The following GRK1 variants were observed in gnomAD, a reference collection of about 807,000 sequenced individuals.
GRK1 encodes G protein-coupled receptor kinase 1.
GRK1 carries 28 observed loss-of-function variants against 41.7 expected under a neutral mutation model. The ratio of observed to expected loss-of-function variants is 0.67; its 90% CI spans 0.50 to 0.92. The LOEUF is 0.92. Ranked by LOEUF, GRK1 falls within the 40% of genes least tolerant of loss-of-function variation. The pLI, the probability that GRK1 is intolerant of heterozygous loss-of-function variation, is 0.00. For synonymous variants in GRK1, 327 were observed against 286.7 expected (o/e 1.14, Z -1.42); for missense variants, 703 against 671.2 (o/e 1.05, Z -0.52).
In GRK1 at chr13:113,736,038, C is replaced by T. The variant is rs1314856608; in HGVS notation, c.*675C>T. The T allele has an allele frequency of 3.9e-5, 6 of 152,426 alleles. No individual in the cohort carries two copies. Among genetic ancestry groups the T allele is most frequent in the African/African-American group, 1.2e-4 (5 of 41,468 alleles). The allele number at this position is 152,426 out of a possible 1,614,324, so 9.4% of individuals were successfully genotyped here. A position where few individuals can be genotyped will look rare whatever the true frequency, so the allele number is the denominator to read the frequency against. On this transcript the variant is annotated 3_prime_UTR_variant, in exon 7 of 7. Transcript: ENST00000335678. ...TCTGCCAGGCGCAGGCTCTGTTGGG[C>T]TGTTGGGAGGAGGGGAGCGGGTGTG... is the stretch of plus-strand genomic sequence containing the variant.
chr13:113,732,787 T>G, intron 5 of GRK1, 97 bp from the exon 6 acceptor site: 2 of 1,310,470 alleles, frequency 1.5e-6, no homozygotes, highest in Non-Finnish European at 2.1e-6. Context: ...CCCACCCGCG[T>G]GGGTGAGCGG....
the GRK1 span, among the ~76,000 whole-genome samples, chr13:113,654,599 G>T: frequency 1.3e-5 from 2 of 152,116 alleles, no homozygotes; most frequent in Admixed American, 6.5e-5. Context: ...CTAAGGGGCC[G>T]CTTATGCCTT....
chr13:113,734,567 G>A (rs2049988882), intron 6 of GRK1: 1 of 152,766 alleles, frequency 6.5e-6, no homozygotes, highest in South Asian at 2.1e-4. Context: ...TGATGTCTGT[G>A]ACCGGCTGTG....
At chr13:113,657,086 T>C in the GRK1 span, among the ~76,000 whole-genome samples, 1 of 152,174 alleles carries the variant, frequency 6.6e-6, no homozygotes, top group African/African-American at 2.4e-5. Flanking sequence ...GCTGCAGCCT[T>C]CACCAGCACT....
At position 113,671,384 on chromosome 13, in the gene GRK1, C is replaced by G; in HGVS notation, c.828-115C>G. On this transcript the variant is annotated intron_variant, in intron 2 of 6. Transcript: ENST00000335678. The surrounding 1 kb of genome is among the most constrained non-coding windows in gnomAD (Gnocchi z 4.1). ...GCAGGGACGTAGGGGGGCCAGGCCT[C>G]AAAACGACCAGAACGCTGGCCGAGA... 1.4e-6 allele frequency: 1 copy of G among 724,502 alleles called. No individual in the cohort carries two copies. Among genetic ancestry groups the G allele is most frequent in the Non-Finnish European group, 2.5e-6 (1 of 395,630 alleles). 44.9% of individuals were successfully genotyped at this position (724,502 alleles called of 1,614,324 possible).
At chr13:113,653,326 A>G in the GRK1 span, 2 of 1,612,304 alleles carry the variant, frequency 1.2e-6, no homozygotes, top group Non-Finnish European at 8.5e-7. Context: ...CTCACCTGCT[A>G]GGAAGGCGTG....
Position 113,671,886 on chromosome 13 carries a change from G to T in GRK1, c.985+230G>T, listed in dbSNP as rs997298545. Among the ~76,000 whole-genome samples, 3 of 152,078 alleles carry T rather than the reference G, an allele frequency of 2.0e-5. No homozygotes were observed. The highest frequency in any genetic ancestry group is 7.2e-5 in the African/African-American group (3 of 41,382). On this transcript the variant is annotated intron_variant, in intron 3 of 6. Transcript: ENST00000335678. This position sits in a 1 kb window ranked among gnomAD's most constrained non-coding sequence, Gnocchi z 4.1. Reference sequence around the variant, plus strand: ...CAGCTGGGAACGGCGAGTCTGTTACGCCCAGTCCCCACCTTCCTTCTGCCT... The same window carrying T: ...CAGCTGGGAACGGCGAGTCTGTTACTCCCAGTCCCCACCTTCCTTCTGCCT...
chr13:113,653,033 G>A, the GRK1 span: 18 of 1,613,770 alleles, frequency 1.1e-5, no homozygotes, highest in East Asian at 2.2e-5. Context: ...CTGCTCGGAG[G>A]TGCAGTTGAT....
At chr13:113,668,297 G>C (rs2049833924) in intron 1 of GRK1, among the ~76,000 whole-genome samples, 2 of 152,264 alleles carry the variant, frequency 1.3e-5, no homozygotes, top group Admixed American at 6.5e-5. Context: ...TCCTCGGAGA[G>C]TGACCTCCAC....
Position 113,669,670 on chromosome 13 carries a change from A to C in GRK1, c.700-17A>C. 6.2e-7 allele frequency: 1 copy of C among 1,613,784 alleles called. No homozygotes were observed. Among genetic ancestry groups the C allele is most frequent in the Non-Finnish European group, 8.5e-7 (1 of 1,179,738 alleles). ...TCCTATTCAAAGCCAGTGCGTACTCAGCGTCTCACTTTTCAGGGTGCTATG... is the reference window on the plus strand; with the variant it reads ...TCCTATTCAAAGCCAGTGCGTACTCCGCGTCTCACTTTTCAGGGTGCTATG... On this transcript the variant is annotated splice_polypyrimidine_tract_variant and intron_variant, in intron 1 of 6. Coordinates refer to ENST00000335678, the MANE Select transcript of GRK1 (RefSeq NM_002929.3).
chr13:113,660,559 C>T, the GRK1 span, among the ~76,000 whole-genome samples: 14 of 152,142 alleles, frequency 9.2e-5, no homozygotes, highest in South Asian at 1.4e-3. Context: ...AGAACGAGGA[C>T]GATTTTAAGA....
chr13:113,670,699 C>T (rs192254546), intron 2 of GRK1, among the ~76,000 whole-genome samples: 2 of 103,752 alleles, frequency 1.9e-5, no homozygotes, highest in African/African-American at 3.3e-5. Flanking sequence ...CGCTGGGAAA[C>T]GCAGACACAG....
the GRK1 span, chr13:113,658,256 C>T: frequency 1.3e-3 from 1,355 of 1,065,038 alleles, 14 homozygotes; most frequent in African/African-American, 0.018. Context: ...TCAAAGGCAT[C>T]GCAGGCGAAG....
intron 5 of GRK1, among the ~76,000 whole-genome samples, chr13:113,732,516 AC>A (rs2049944348): frequency 6.6e-6 from 1 of 152,204 alleles, no homozygotes; most frequent in South Asian, 2.1e-4. Context: ...ACTCCTGAAG[AC>A]AACAGAGCCA....
rs374523651 is a variant in GRK1, at chr13:113,669,729, A to G, written c.742A>G (p.Arg248Gly). The G allele has an allele frequency of 6.2e-7, 1 of 1,613,908 alleles. No homozygotes were observed. The highest frequency in any genetic ancestry group is 8.5e-7 in the Non-Finnish European group (1 of 1,179,892). ...GAAGATTCTGATGAAAGTACACAGC[A>G]GGTTCATCGTGTCTCTGGCCTATGC... ...EKKILMKVHS[R>G]FIVSLAYAFE... is the part of the protein sequence containing the mutation. The change falls in exon 2 of 7, where the codon AGG becomes GGG. Residue 248 changes from arginine to glycine, a missense_variant. Transcript: ENST00000335678.
upstream of GRK1, among the ~76,000 whole-genome samples, chr13:113,665,098 C>T (rs1187026143): frequency 6.6e-6 from 1 of 152,190 alleles, no homozygotes; most frequent in Admixed American, 6.5e-5. Context: ...CCCACAGTTG[C>T]CTCTTCTCCC....
intron 6 of GRK1, among the ~76,000 whole-genome samples, chr13:113,733,907 ATACAGTGTGCG>A (rs2049974630): frequency 1.6e-5 from 1 of 61,218 alleles, no homozygotes; most frequent in Non-Finnish European, 2.9e-5. Flanking sequence ...GTATGTGTGC[ATACAGTGTGCG>A]TGTGTGCATG....
At chr13:113,666,816 T>C (rs1035184306), upstream of GRK1, among the ~76,000 whole-genome samples, 21 of 152,228 alleles carry the variant, frequency 1.4e-4, no homozygotes, top group Non-Finnish European at 1.9e-4. Context: ...GGTGGTTTTC[T>C]TTCTCATTTG....
chr13:113,735,271 T>C lies in GRK1; in HGVS notation c.1600T>C (p.Trp534Arg), dbSNP rs536303626. 51 of 1,536,728 alleles carry C rather than the reference T, an allele frequency of 3.3e-5. No homozygotes were observed. The highest frequency in any genetic ancestry group is 4.2e-5 in the Non-Finnish European group (48 of 1,146,750). Residue 534 changes from tryptophan (W) to arginine (R), a missense_variant, in exon 7 of 7, where the codon TGG (tryptophan) becomes CGG (arginine). Physicochemically the swap from Trp to Arg is moderately radical, Grantham distance 101 (BLOSUM62 -3). Coordinates refer to ENST00000335678, the MANE Select transcript of GRK1 (RefSeq NM_002929.3). ...GGGCATCTTTGGCGAGCTGAACGTGTGGCGCTCGGACGGTCAGATGCCGGA... is the reference window on the plus strand; with the variant it reads ...GGGCATCTTTGGCGAGCTGAACGTGCGGCGCTCGGACGGTCAGATGCCGGA... ...ETGIFGELNV[W>R]RSDGQMPDDM...
Sources: allele counts gnomAD v4.1 joint callset (sites outside exome capture counted in the v4.1 genomes callset), GRCh38; gene constraint gnomAD v4.1.1; non-coding constraint Gnocchi (gnomAD v3.1); transcripts MANE v1.5; gene names NCBI Gene and HGNC (gene_info 2026-07-23, HGNC 2026-07-21).